The following NRXN3 variants were observed in gnomAD, a reference collection of about 807,000 sequenced individuals.
NRXN3 encodes the protein neurexin III.
NRXN3 carries 32 observed loss-of-function variants against 137.6 expected under a neutral mutation model. The observed-to-expected ratio is 0.23, with a 90% CI of 0.18 to 0.31. The LOEUF (loss-of-function observed/expected upper bound fraction) is 0.31. NRXN3 is among the 10% of genes least tolerant of loss of function. The pLI is 1.00. For missense variants in NRXN3, 1,574 were observed against 2,062.5 expected, an observed-to-expected ratio of 0.76 and a Z score of 4.59; for synonymous variants, 798 against 784.5, an observed-to-expected ratio of 1.02 and a Z score of -0.29.
chr14:79,473,615 G>A (rs2096534015), intron 16 of NRXN3, among the ~76,000 whole-genome samples: 1 of 152,154 alleles, frequency 6.6e-6, no homozygotes. Context: ...GAATGTTGGT[G>A]TTTTTGAGAC....
At chr14:79,186,919 C>T (rs2370934) in intron 15 of NRXN3, among the ~76,000 whole-genome samples, 84,335 of 152,024 alleles carry the variant, frequency 0.55, 24,759 homozygotes, top group South Asian at 0.69. Flanking sequence ...AAATGTGTTG[C>T]AGCATCGATT....
chr14:79,410,619 ACTTAACTTCTCTGTG>A (rs2095403874), intron 15 of NRXN3, among the ~76,000 whole-genome samples: 1 of 152,094 alleles, frequency 6.6e-6, no homozygotes, highest in African/African-American at 2.4e-5. Flanking sequence ...TGAGCAAATT[ACTTAACTTCTCTGTG>A]CCTTACTTTT....
intron 8 of NRXN3, among the ~76,000 whole-genome samples, chr14:78,726,320 C>T (rs1595212703): frequency 6.6e-6 from 1 of 152,036 alleles, no homozygotes; most frequent in Non-Finnish European, 1.5e-5. Context: ...AGGTATTTCT[C>T]CTAATGCTGT....
chr14:79,115,304 A>C (rs1256737430), intron 15 of NRXN3, among the ~76,000 whole-genome samples: 2 of 148,004 alleles, frequency 1.4e-5, no homozygotes, highest in East Asian at 4.0e-4. Flanking sequence ...CAGCCTGGGC[A>C]AGAAGAACGA....
chr14:78,770,510 T>C (rs563915399), intron 8 of NRXN3, among the ~76,000 whole-genome samples: 50 of 152,330 alleles, frequency 3.3e-4, no homozygotes, highest in Admixed American at 3.3e-3. Context: ...TTCCTATTTA[T>C]GAAAACTGGC....
intron 19 of NRXN3, among the ~76,000 whole-genome samples, chr14:79,719,501 T>G (rs556558728): frequency 6.6e-6 from 1 of 151,708 alleles, no homozygotes; most frequent in Non-Finnish European, 1.5e-5. Flanking sequence ...TATTAGCACT[T>G]ACTGTCCCCA....
Position 78,838,027 on chromosome 14 carries a change from A to T in NRXN3, c.2275+27683A>T, listed in dbSNP as rs139110204. Among the ~76,000 whole-genome samples the T allele has an allele frequency of 5.2e-3, 792 of 152,290 alleles. 8 individuals are homozygous for T. Among genetic ancestry groups the T allele is most frequent in the African/African-American group, 0.018 (762 of 41,558 alleles). On this transcript the variant is annotated intron_variant, in intron 10 of 20. Transcript: ENST00000335750. ...AAATGAGATATTAATTATATAGATT[A>T]GATTTTTGTTATTAGATTATCAGCT... is the stretch of plus-strand genomic sequence containing the variant.
chr14:78,738,031 T>G (rs2152920758), intron 8 of NRXN3, among the ~76,000 whole-genome samples: 1 of 152,288 alleles, frequency 6.6e-6, no homozygotes, highest in Admixed American at 6.5e-5. Context: ...AATGGATTTC[T>G]TGATTTTAAG....
chr14:79,280,575 T>C (rs111659935), intron 15 of NRXN3: 2 of 1,575,538 alleles, frequency 1.3e-6, no homozygotes, highest in Admixed American at 1.7e-5. Context: ...TAATGGGGCA[T>C]AGCAATTCGC....
intron 8 of NRXN3, among the ~76,000 whole-genome samples, chr14:78,780,747 G>A (rs151073887): frequency 6.6e-6 from 1 of 152,240 alleles, no homozygotes; most frequent in Non-Finnish European, 1.5e-5. Context: ...AATTCAAAAA[G>A]CATTGAGATA....
At chr14:79,512,823 C>G (rs575975878) in intron 16 of NRXN3, among the ~76,000 whole-genome samples, 1 of 152,308 alleles carries the variant, frequency 6.6e-6, no homozygotes, top group East Asian at 1.9e-4. Flanking sequence ...AAAGCTCCCA[C>G]AAATCAGCAA....
intron 15 of NRXN3, among the ~76,000 whole-genome samples, chr14:79,238,709 G>A (rs148970536): frequency 1.2e-3 from 179 of 152,200 alleles, no homozygotes; most frequent in African/African-American, 4.0e-3. Flanking sequence ...CATTCCAGCG[G>A]CTTCTAAGGC....
rs180881987 is a variant in NRXN3 at position 78,492,184 on chromosome 14, C to G, written c.758-152936C>G. ...GATAAACGCTTAAGAACAGAGACTC[C>G]TTTTACTTTCCAGTTATCCAAGGTA... On this transcript the variant is annotated intron_variant, in intron 4 of 20. Coordinates refer to ENST00000335750, the MANE Select transcript of NRXN3 (RefSeq NM_001330195.2). Among the ~76,000 whole-genome samples the G allele has an allele frequency of 2.7e-3, 408 of 152,264 alleles. 2 individuals are homozygous for G. The highest frequency in any genetic ancestry group is 9.3e-3 in the African/African-American group (385 of 41,536).
chr14:79,613,461 G>C (rs1205011480), intron 16 of NRXN3, among the ~76,000 whole-genome samples: 2 of 152,164 alleles, frequency 1.3e-5, no homozygotes, highest in Non-Finnish European at 2.9e-5. Flanking sequence ...TACACTTCCA[G>C]CTCCTCAGAC....
intron 16 of NRXN3, among the ~76,000 whole-genome samples, chr14:79,594,372 T>A (rs1009661383): frequency 2.0e-5 from 3 of 152,076 alleles, no homozygotes; most frequent in Non-Finnish European, 2.9e-5. Flanking sequence ...CTGATACTAA[T>A]CAGAGCATGT....
chr14:78,951,642 A>AT (rs1447537667), intron 10 of NRXN3, among the ~76,000 whole-genome samples: 4 of 151,992 alleles, frequency 2.6e-5, no homozygotes, highest in Non-Finnish European at 5.9e-5. Context: ...TGTCTATCAG[A>AT]TTTTCTCACC....
At chr14:78,504,597 A>T (rs958941324) in intron 4 of NRXN3, among the ~76,000 whole-genome samples, 1 of 152,154 alleles carries the variant, frequency 6.6e-6, no homozygotes, top group Non-Finnish European at 1.5e-5. Flanking sequence ...GGTAATTCTG[A>T]TAAAGGTAGC....
At chr14:78,429,382 A>G (rs1171786634) in intron 4 of NRXN3, among the ~76,000 whole-genome samples, 1 of 152,146 alleles carries the variant, frequency 6.6e-6, no homozygotes, top group Non-Finnish European at 1.5e-5. Context: ...CCCAGTCAGT[A>G]ATTACTATTA....
At chr14:79,593,504 G>A (rs946392507) in intron 16 of NRXN3, among the ~76,000 whole-genome samples, 46 of 151,956 alleles carry the variant, frequency 3.0e-4, no homozygotes, top group African/African-American at 9.6e-4. Flanking sequence ...GGTGGCGGGC[G>A]CCTGTAGTCC....
Sources: allele counts gnomAD v4.1 joint callset (sites outside exome capture counted in the v4.1 genomes callset), GRCh38; gene constraint gnomAD v4.1.1; transcripts MANE v1.5; gene names NCBI Gene and HGNC (gene_info 2026-07-23, HGNC 2026-07-21).